The following CDH4 variants were observed in gnomAD, a reference collection of about 807,000 sequenced individuals.
CDH4 encodes cadherin 4, also known as cadherin-4.
A neutral mutation model predicts 86.0 loss-of-function variants in CDH4; 33 were observed. The ratio of observed to expected loss-of-function variants is 0.38; its 90% CI spans 0.29 to 0.51. The LOEUF (loss-of-function observed/expected upper bound fraction) is 0.51. Among genes scored for constraint, CDH4 ranks in the 20% least tolerant of loss-of-function variants. The probability of loss-of-function intolerance (pLI) is 0.86; values close to 1 mark genes in which losing one functional copy is unlikely to be tolerated. For synonymous variants in CDH4, 555 were observed against 549.4 expected (o/e 1.01, Z -0.14); for missense variants, 1,114 against 1,307.4 (o/e 0.85, Z 2.28).
At chr20:61,628,604 C>G (rs1219848924) in intron 2 of CDH4, among the ~76,000 whole-genome samples, 1 of 152,256 alleles carries the variant, frequency 6.6e-6, no homozygotes. Context: ...GCAGCAGGGC[C>G]TCCAGCCCCA....
At chr20:61,848,152 A>C (rs947469935) in intron 5 of CDH4, among the ~76,000 whole-genome samples, 1 of 152,182 alleles carries the variant, frequency 6.6e-6, no homozygotes, top group Non-Finnish European at 1.5e-5. Context: ...GCTGGTGGGG[A>C]CCAGGGACCT....
chr20:61,360,811 C>G (rs546308953), intron 2 of CDH4, among the ~76,000 whole-genome samples: 1 of 152,300 alleles, frequency 6.6e-6, no homozygotes, highest in African/African-American at 2.4e-5. Context: ...GAACTCAATT[C>G]TAGAAAGGAG....
chr20:61,536,947 C>T (rs1212585462), intron 2 of CDH4, among the ~76,000 whole-genome samples: 1 of 152,196 alleles, frequency 6.6e-6, no homozygotes, highest in East Asian at 1.9e-4. Context: ...ACACCCTATG[C>T]TCCAGTGCCT....
At chr20:61,329,931 T>C (rs1600871157) in intron 2 of CDH4, among the ~76,000 whole-genome samples, 1 of 141,610 alleles carries the variant, frequency 7.1e-6, no homozygotes, top group East Asian at 2.3e-4. Context: ...AGTGAGTACA[T>C]GCAGTGTTTG....
chr20:61,416,683 C>A (rs370339618), intron 2 of CDH4, among the ~76,000 whole-genome samples: 13 of 152,302 alleles, frequency 8.5e-5, no homozygotes, highest in African/African-American at 2.9e-4. Context: ...GACACTCACA[C>A]CCCAGCTCTG....
chr20:61,491,432 A>G (rs2085625214), intron 2 of CDH4, among the ~76,000 whole-genome samples: 1 of 152,218 alleles, frequency 6.6e-6, no homozygotes, highest in African/African-American at 2.4e-5. Flanking sequence ...TAACTTCACA[A>G]CTAAGGGCTA....
intron 2 of CDH4, among the ~76,000 whole-genome samples, chr20:61,742,470 T>G (rs943651230): frequency 6.6e-6 from 1 of 152,222 alleles, no homozygotes; most frequent in Admixed American, 6.5e-5. Context: ...GAAAACACTT[T>G]ATCTAATGTA....
Position 61,810,989 on chromosome 20 carries a change from A to G in CDH4, c.577-33679A>G, listed in dbSNP as rs1007363621. ...ATGCTGCATTTGTAACGGGAGCTAG[A>G]AAGGAATCAGTCAAACGAACTCATG... On this transcript the variant is annotated intron_variant, in intron 4 of 15. Coordinates refer to ENST00000614565, the MANE Select transcript of CDH4 (RefSeq NM_001794.5). This position sits in a 1 kb window ranked among gnomAD's most constrained non-coding sequence, Gnocchi z 4.3. 1.3e-5 allele frequency among the ~76,000 whole-genome samples: 2 copies of G among 152,222 alleles called. No individual in the cohort carries two copies. The highest frequency in any genetic ancestry group is 2.9e-5 in the Non-Finnish European group (2 of 68,038).
chr20:61,920,030 C>CACG (rs2054953817), intron 9 of CDH4, among the ~76,000 whole-genome samples: 1 of 86,028 alleles, frequency 1.2e-5, no homozygotes. Context: ...GGAAGCGTGT[C>CACG]GTGATTGTGT....
chr20:61,908,105 G>C (rs1259524032), intron 8 of CDH4, among the ~76,000 whole-genome samples: 1 of 152,172 alleles, frequency 6.6e-6, no homozygotes, highest in African/African-American at 2.4e-5. Flanking sequence ...CTGATTAAAG[G>C]ACTTTCTCTG....
intron 3 of CDH4, among the ~76,000 whole-genome samples, chr20:61,758,311 C>T (rs376108804): frequency 6.2e-4 from 95 of 152,312 alleles, no homozygotes; most frequent in African/African-American, 2.2e-3. Flanking sequence ...AGAGCCAAGC[C>T]AGGCCAGCCC....
At chr20:61,731,024 G>A (rs1223108277) in intron 2 of CDH4, among the ~76,000 whole-genome samples, 3 of 151,678 alleles carry the variant, frequency 2.0e-5, no homozygotes, top group African/African-American at 2.4e-5. Context: ...AGGCAGCAAG[G>A]GTGTGCTGTG....
chr20:61,292,413 A>C (rs998126400), intron 2 of CDH4, among the ~76,000 whole-genome samples: 4 of 152,182 alleles, frequency 2.6e-5, no homozygotes, highest in African/African-American at 7.2e-5. Context: ...TCTTTTTATT[A>C]GTATGATTTT....
At chr20:61,284,661 G>A (rs6129091) in intron 2 of CDH4, among the ~76,000 whole-genome samples, 1 of 152,330 alleles carries the variant, frequency 6.6e-6, no homozygotes, top group South Asian at 2.1e-4. Flanking sequence ...GGGTGGTTCA[G>A]GGAATCTGTT....
intron 2 of CDH4, among the ~76,000 whole-genome samples, chr20:61,492,722 A>G (rs1289347532): frequency 6.6e-6 from 1 of 152,218 alleles, no homozygotes; most frequent in East Asian, 1.9e-4. Flanking sequence ...CAGGCATATA[A>G]TGAACAAGTC....
intron 2 of CDH4, among the ~76,000 whole-genome samples, chr20:61,291,364 A>G (rs1354378039): frequency 1.3e-5 from 2 of 152,218 alleles, no homozygotes; most frequent in South Asian, 2.1e-4. Context: ...AGACTTGTGG[A>G]AAGAACGAGA....
intron 3 of CDH4, among the ~76,000 whole-genome samples, chr20:61,767,851 A>G (rs532881871): frequency 1.3e-5 from 2 of 152,338 alleles, no homozygotes; most frequent in East Asian, 3.9e-4. Context: ...ACCACAGCCC[A>G]GGTCTCATCC....
intron 2 of CDH4, among the ~76,000 whole-genome samples, chr20:61,597,571 G>C (rs1366324754): frequency 6.6e-6 from 1 of 152,238 alleles, no homozygotes; most frequent in East Asian, 1.9e-4. Flanking sequence ...GTTACTTCAT[G>C]CATCTGCACA....
intron 2 of CDH4, among the ~76,000 whole-genome samples, chr20:61,300,556 C>T (rs960501393): frequency 6.6e-6 from 1 of 152,164 alleles, no homozygotes; most frequent in African/African-American, 2.4e-5. Flanking sequence ...CTCTCTTCCT[C>T]GCTGCTGTCT....
Sources: allele counts gnomAD v4.1 joint callset (sites outside exome capture counted in the v4.1 genomes callset), GRCh38; gene constraint gnomAD v4.1.1; non-coding constraint Gnocchi (gnomAD v3.1); transcripts MANE v1.5; gene names NCBI Gene and HGNC (gene_info 2026-07-23, HGNC 2026-07-21).